Variants in HOMER1 observed in about 807,000 individuals in gnomAD.
HOMER1 encodes homer protein homolog 1.
HOMER1 carries 3 observed loss-of-function variants against 48.9 expected under a neutral mutation model. The observed-to-expected ratio is 0.06, with a 90% CI of 0.03 to 0.16. The LOEUF is 0.16. Among genes scored for constraint, HOMER1 ranks in the 10% least tolerant of loss-of-function variants. HOMER1 has a pLI of 1.00. For synonymous variants in HOMER1, 134 were observed against 146.4 expected (o/e 0.92, Z 0.61); for missense variants, 247 against 411.4 (o/e 0.60, Z 3.46).
chr5:79,486,193 A>G (rs1345315232), intron 1 of HOMER1, among the ~76,000 whole-genome samples: 1 of 152,206 alleles, frequency 6.6e-6, no homozygotes. Flanking sequence ...CACAGCCCTC[A>G]GTTAAGCCAC....
intron 1 of HOMER1, among the ~76,000 whole-genome samples, chr5:79,509,263 G>A (rs1305591286): frequency 6.6e-6 from 1 of 152,196 alleles, no homozygotes; most frequent in Non-Finnish European, 1.5e-5. Flanking sequence ...AGCATTAACA[G>A]ATTCCATTAG....
intron 5 of HOMER1, among the ~76,000 whole-genome samples, chr5:79,422,604 C>T (rs1026566763): frequency 1.4e-5 from 2 of 138,936 alleles, no homozygotes; most frequent in African/African-American, 5.4e-5. Context: ...TCTCATGAGA[C>T]AATTGTCAAA....
rs377376460 is a variant in HOMER1 at position 79,495,427 on chromosome 5, T to A, written c.5+17343A>T. Among the ~76,000 whole-genome samples the A allele has an allele frequency of 1.5e-4, 23 of 152,324 alleles. 1 individual carries two copies. The highest frequency in any genetic ancestry group is 7.2e-4 in the Admixed American group (11 of 15,298). ...GGCTATGTGAAGCTTTCTCTGACCT[T>A]CCAAGGTGGAGGTGGGCACTTCCTT... On this transcript the variant is annotated intron_variant, in intron 1 of 8. Transcript: ENST00000334082.
At chr5:79,441,729 G>A (rs992924251) in intron 4 of HOMER1, among the ~76,000 whole-genome samples, 1 of 151,792 alleles carries the variant, frequency 6.6e-6, no homozygotes, top group African/African-American at 2.4e-5. Flanking sequence ...TTACTGATGA[G>A]AAACAACAAA....
chr5:79,422,799 G>T, intron 5 of HOMER1, among the ~76,000 whole-genome samples: 1 of 148,738 alleles, frequency 6.7e-6, no homozygotes, highest in African/African-American at 2.5e-5. Flanking sequence ...TAATATTGCT[G>T]AATAAATGGA....
At chr5:79,469,273 T>TA (rs1751557590) in intron 1 of HOMER1, among the ~76,000 whole-genome samples, 1 of 152,166 alleles carries the variant, frequency 6.6e-6, no homozygotes, top group Non-Finnish European at 1.5e-5. Context: ...CAAAAAACAA[T>TA]TTACACAAAA....
chr5:79,392,011 C>T (rs1035466456), intron 8 of HOMER1, among the ~76,000 whole-genome samples: 2 of 152,074 alleles, frequency 1.3e-5, no homozygotes, highest in Admixed American at 1.3e-4. Flanking sequence ...AGCACAATGC[C>T]GTACTCATGT....
intron 8 of HOMER1, among the ~76,000 whole-genome samples, chr5:79,376,519 T>C (rs1748777088): frequency 6.6e-6 from 1 of 152,202 alleles, no homozygotes; most frequent in African/African-American, 2.4e-5. Context: ...CACTTAGATC[T>C]CATTTTTATT....
chr5:79,436,094 C>A (rs1270438174), intron 5 of HOMER1, among the ~76,000 whole-genome samples: 16 of 151,014 alleles, frequency 1.1e-4, no homozygotes, highest in African/African-American at 3.6e-4. Flanking sequence ...CCACTGCAGT[C>A]CGCAGTCCGG....
At chr5:79,472,714 G>A (rs1193662241) in intron 1 of HOMER1, among the ~76,000 whole-genome samples, 1 of 152,048 alleles carries the variant, frequency 6.6e-6, no homozygotes, top group East Asian at 1.9e-4. Context: ...GTAAGTTTGA[G>A]GTTATAATGA....
intron 8 of HOMER1, among the ~76,000 whole-genome samples, chr5:79,380,285 C>T (rs139243333): frequency 9.9e-5 from 15 of 152,268 alleles, no homozygotes; most frequent in African/African-American, 2.9e-4. Flanking sequence ...AGAGCACTAG[C>T]GCTGGGTGCC....
At chr5:79,450,926 TA>T in intron 3 of HOMER1, 63 bp downstream of exon 3, 9 of 1,479,222 alleles carry the variant, frequency 6.1e-6, no homozygotes, top group Non-Finnish European at 8.4e-6. Flanking sequence ...CATTTGGTAT[TA>T]TATATTTAAG....
intron 5 of HOMER1, among the ~76,000 whole-genome samples, chr5:79,418,365 CA>C (rs773819475): frequency 2.0e-5 from 3 of 152,118 alleles, no homozygotes; most frequent in Non-Finnish European, 4.4e-5. Context: ...TCGATGGAAG[CA>C]AAAGTCTCCT....
intron 1 of HOMER1, among the ~76,000 whole-genome samples, chr5:79,460,032 TC>T (rs572852922): frequency 1.2e-5 from 1 of 82,468 alleles, no homozygotes; most frequent in Non-Finnish European, 2.8e-5. Context: ...TTCTTTCTTT[TC>T]TTTAACAGAT....
intron 5 of HOMER1, among the ~76,000 whole-genome samples, chr5:79,431,445 G>C (rs1316427003): frequency 6.6e-6 from 1 of 152,140 alleles, no homozygotes; most frequent in Non-Finnish European, 1.5e-5. Flanking sequence ...ATTAGTGGTT[G>C]CCTAGGGTAG....
In HOMER1 at chr5:79,387,151, T is replaced by C. The variant is rs1436067145; in HGVS notation, c.876+9672A>G. Among the ~76,000 whole-genome samples, 7 of 151,608 alleles carry C rather than the reference T, an allele frequency of 4.6e-5. No individual in the cohort carries two copies. The East Asian group carries it at 1.4e-3, about 29-fold the overall frequency. The stretch of plus-strand genomic sequence containing the variant: ...ACCCAGACGTACACGTTTCTTTCTT[T>C]CACAAGGTCTCATTCTGTCACCCAG... On this transcript the variant is annotated intron_variant, in intron 8 of 8. Transcript: ENST00000334082.
intron 5 of HOMER1, among the ~76,000 whole-genome samples, chr5:79,426,416 T>C (rs1750256790): frequency 6.6e-6 from 1 of 152,028 alleles, no homozygotes; most frequent in South Asian, 2.1e-4. Context: ...ACACTGTGTA[T>C]ATGTGGTACT....
At chr5:79,409,697 A>T (rs1749764933) in intron 5 of HOMER1, among the ~76,000 whole-genome samples, 1 of 152,224 alleles carries the variant, frequency 6.6e-6, no homozygotes, top group Non-Finnish European at 1.5e-5. Context: ...ATAACAATTT[A>T]AAAATGAGCA....
intron 1 of HOMER1, among the ~76,000 whole-genome samples, chr5:79,477,732 A>G (rs1193444002): frequency 6.6e-6 from 1 of 152,272 alleles, no homozygotes; most frequent in Non-Finnish European, 1.5e-5. Context: ...AGACAATGAC[A>G]TGGATGCTTC....
Sources: allele counts gnomAD v4.1 joint callset (sites outside exome capture counted in the v4.1 genomes callset), GRCh38; gene constraint gnomAD v4.1.1; transcripts MANE v1.5; gene names NCBI Gene and HGNC (gene_info 2026-07-23, HGNC 2026-07-21).